Variants in SLC24A2 observed in about 807,000 individuals in gnomAD.
SLC24A2 encodes solute carrier family 24 member 2.
In SLC24A2, 36 loss-of-function variants were observed where a neutral mutation model predicts 62.0. The observed-to-expected ratio is 0.58, with a 90% CI of 0.44 to 0.77. The LOEUF is 0.77. Ranked by LOEUF, SLC24A2 falls within the 30% of genes least tolerant of loss-of-function variation. The pLI is 0.00. For synonymous variants in SLC24A2, 358 were observed against 294.0 expected (o/e 1.22, Z -2.23); for missense variants, 846 against 817.9 (o/e 1.03, Z -0.42).
the SLC24A2 span, among the ~76,000 whole-genome samples, chr9:20,283,751 A>AGGGG: frequency 2.5e-5 from 2 of 79,950 alleles, no homozygotes; most frequent in African/African-American, 9.4e-5. Context: ...AGAAAAAAAA[A>AGGGG]GGGGGGGGGG....
the SLC24A2 span, among the ~76,000 whole-genome samples, chr9:19,868,952 T>G: frequency 6.6e-6 from 1 of 152,168 alleles, no homozygotes; most frequent in Non-Finnish European, 1.5e-5. Flanking sequence ...GGTGTTTAGT[T>G]CATGCACAAT....
chr9:19,903,979 C>A, the SLC24A2 span, among the ~76,000 whole-genome samples: 1 of 152,124 alleles, frequency 6.6e-6, no homozygotes. Context: ...TGGCTGAGAC[C>A]ATGGATGTTA....
intron 9 of SLC24A2, among the ~76,000 whole-genome samples, chr9:19,526,497 T>C (rs1833452763): frequency 6.6e-6 from 1 of 152,172 alleles, no homozygotes; most frequent in African/African-American, 2.4e-5. Flanking sequence ...TTTCTATACA[T>C]CCTCATCAAC....
chr9:20,300,524 C>T, the SLC24A2 span, among the ~76,000 whole-genome samples: 1 of 152,176 alleles, frequency 6.6e-6, no homozygotes, highest in African/African-American at 2.4e-5. Context: ...TGTCCAAATT[C>T]TGCAGCAAGG....
the SLC24A2 span, among the ~76,000 whole-genome samples, chr9:20,115,104 A>C: frequency 6.6e-6 from 1 of 152,108 alleles, no homozygotes; most frequent in Non-Finnish European, 1.5e-5. Flanking sequence ...AAGAACATAC[A>C]ATAGCCTGGG....
the SLC24A2 span, among the ~76,000 whole-genome samples, chr9:20,045,120 T>C: frequency 6.6e-6 from 1 of 152,222 alleles, no homozygotes; most frequent in African/African-American, 2.4e-5. Context: ...ATGGATCGTA[T>C]AGATATACTA....
chr9:20,189,275 T>C, the SLC24A2 span, among the ~76,000 whole-genome samples: 1 of 152,054 alleles, frequency 6.6e-6, no homozygotes, highest in African/African-American at 2.4e-5. Flanking sequence ...CCCCAAGTAG[T>C]TCTTAAGAGC....
the SLC24A2 span, among the ~76,000 whole-genome samples, chr9:20,021,367 A>G: frequency 2.0e-5 from 3 of 151,886 alleles, no homozygotes; most frequent in African/African-American, 7.3e-5. Context: ...ATATATTTAT[A>G]TATACACACA....
the SLC24A2 span, among the ~76,000 whole-genome samples, chr9:20,162,912 C>T: frequency 8.6e-5 from 13 of 152,018 alleles, no homozygotes; most frequent in African/African-American, 3.1e-4. Flanking sequence ...CAGAAAAGGC[C>T]TTTGATAAAA....
At chr9:19,741,879 T>C (rs1048014949) in intron 2 of SLC24A2, among the ~76,000 whole-genome samples, 2 of 152,236 alleles carry the variant, frequency 1.3e-5, no homozygotes, top group African/African-American at 4.8e-5. Context: ...TTTCAATTAT[T>C]TGAAAATTCA....
the SLC24A2 span, among the ~76,000 whole-genome samples, chr9:19,801,984 G>A: frequency 6.6e-6 from 1 of 152,082 alleles, no homozygotes; most frequent in African/African-American, 2.4e-5. Context: ...TAGTGGACAG[G>A]TTGTTTGCTA....
At chr9:19,827,155 C>T in the SLC24A2 span, among the ~76,000 whole-genome samples, 1 of 152,136 alleles carries the variant, frequency 6.6e-6, no homozygotes, top group Non-Finnish European at 1.5e-5. Flanking sequence ...AACACACACA[C>T]AAGGCTGAGA....
chr9:19,874,996 CAAAAA>C, the SLC24A2 span, among the ~76,000 whole-genome samples: 1 of 96,752 alleles, frequency 1.0e-5, no homozygotes, highest in African/African-American at 4.0e-5. Flanking sequence ...TCCAGAATTA[CAAAAA>C]AAAAAAAAAA....
At chr9:20,229,614 C>T in the SLC24A2 span, among the ~76,000 whole-genome samples, 1 of 152,002 alleles carries the variant, frequency 6.6e-6, no homozygotes, top group Admixed American at 6.6e-5. Flanking sequence ...TTCCTTTGAG[C>T]TTCCCAGTCT....
At chr9:20,190,302 T>C in the SLC24A2 span, among the ~76,000 whole-genome samples, 1 of 152,172 alleles carries the variant, frequency 6.6e-6, no homozygotes, top group Non-Finnish European at 1.5e-5. Flanking sequence ...CTCTGGCTTG[T>C]CAAGACAATC....
chr9:19,820,461 T>A, the SLC24A2 span, among the ~76,000 whole-genome samples: 16 of 151,032 alleles, frequency 1.1e-4, no homozygotes, highest in East Asian at 2.1e-3. Flanking sequence ...TAAAAAAAAA[T>A]TTTAAAAAAG....
chr9:20,223,008 G>C, the SLC24A2 span, among the ~76,000 whole-genome samples: 1 of 151,774 alleles, frequency 6.6e-6, no homozygotes, highest in Non-Finnish European at 1.5e-5. Flanking sequence ...GATTATCTAG[G>C]AAATAAAAAA....
At chr9:19,670,834 C>A (rs1048947601) in intron 2 of SLC24A2, among the ~76,000 whole-genome samples, 2 of 152,154 alleles carry the variant, frequency 1.3e-5, no homozygotes, top group Non-Finnish European at 1.5e-5. Flanking sequence ...CCTGCTTTAT[C>A]TGTGCTCGAT....
the SLC24A2 span, among the ~76,000 whole-genome samples, chr9:20,198,247 T>C: frequency 1.3e-5 from 2 of 152,232 alleles, no homozygotes; most frequent in Non-Finnish European, 2.9e-5. Context: ...TTCTTTTTTC[T>C]TGTTTGAAGT....
Sources: gnomAD v4.1 joint callset for allele counts (sites outside exome capture counted in the v4.1 genomes callset) on GRCh38, gnomAD v4.1.1 for gene constraint, MANE v1.5 for transcripts, NCBI Gene and HGNC (gene_info 2026-07-23, HGNC 2026-07-21) for gene names.